The following SAMD5 variants were observed in gnomAD, a reference collection of about 807,000 sequenced individuals.
The protein encoded by SAMD5 is sterile alpha motif domain-containing protein 5.
In SAMD5, 13 loss-of-function variants were observed where a neutral mutation model predicts 11.3. The observed-to-expected ratio is 1.15, with a 90% CI of 0.75 to 1.83. The LOEUF (loss-of-function observed/expected upper bound fraction) is 1.83, where lower values mean the gene tolerates loss of function less well. Among genes scored for constraint, SAMD5 ranks in the 40% most tolerant of loss-of-function variants. The probability of loss-of-function intolerance (pLI) is 0.00; values close to 1 mark genes in which losing one functional copy is unlikely to be tolerated. For synonymous variants in SAMD5, 129 were observed against 111.3 expected, an observed-to-expected ratio of 1.16 and a Z score of -1.00; for missense variants, 255 against 239.1, an observed-to-expected ratio of 1.07 and a Z score of -0.44.
chr6:147,883,178 A>G, the SAMD5 span, among the ~76,000 whole-genome samples: 1 of 152,254 alleles, frequency 6.6e-6, no homozygotes, highest in Non-Finnish European at 1.5e-5. Flanking sequence ...TGAATGTAGT[A>G]GGCACGCTTG....
chr6:147,635,713 C>T (rs537018940), intron 1 of SAMD5, among the ~76,000 whole-genome samples: 1 of 152,322 alleles, frequency 6.6e-6, no homozygotes, highest in African/African-American at 2.4e-5. Context: ...CAACCTTTGG[C>T]ATGCCTTTCA....
the SAMD5 span, among the ~76,000 whole-genome samples, chr6:147,816,311 T>A: frequency 6.2e-3 from 689 of 111,976 alleles, 5 homozygotes; most frequent in Non-Finnish European, 7.8e-3. Context: ...AATATATATA[T>A]ATATATATAT....
chr6:147,673,278 A>T (rs1790820155), intron 1 of SAMD5, among the ~76,000 whole-genome samples: 1 of 151,106 alleles, frequency 6.6e-6, no homozygotes, highest in Non-Finnish European at 1.5e-5. Flanking sequence ...CAGTGGCGTG[A>T]TCTCTGCTCA....
At position 147,565,265 on chromosome 6, in the gene SAMD5, G is replaced by A; in HGVS notation, c.*809G>A. On this transcript the variant is annotated 3_prime_UTR_variant, in exon 2 of 2. Transcript: ENST00000367474. ...CTCACAGCCTGTTCTGAGCTGCAGT[G>A]CTTTATCCCACCTTGCTCTCCAGGC... 1.0e-6 allele frequency: 1 copy of A among 985,902 alleles called. No individual in the cohort carries two copies. The highest frequency in any genetic ancestry group is 4.7e-5 in the South Asian group (1 of 21,280). The allele number at this position is 985,902 out of a possible 1,614,324, so 61.1% of individuals were successfully genotyped here.
chr6:147,871,284 A>T, the SAMD5 span, among the ~76,000 whole-genome samples: 3 of 152,218 alleles, frequency 2.0e-5, no homozygotes, highest in Admixed American at 6.5e-5. Context: ...TTTTAGAGTT[A>T]CATATGACAA....
intron 1 of SAMD5, among the ~76,000 whole-genome samples, chr6:147,610,045 T>C (rs1185115022): frequency 6.6e-6 from 1 of 152,244 alleles, no homozygotes; most frequent in Non-Finnish European, 1.5e-5. Context: ...GTATGAAGAT[T>C]GCACATTATG....
chr6:147,615,973 G>C (rs1301912582), intron 1 of SAMD5, among the ~76,000 whole-genome samples: 1 of 151,990 alleles, frequency 6.6e-6, no homozygotes, highest in African/African-American at 2.4e-5. Flanking sequence ...ATGAGGAGTG[G>C]GTCACATGTG....
rs1789090590 is a variant in SAMD5, at chr6:147,569,062, A to C, written c.*4606A>C. 1 of 187,232 alleles carries C rather than the reference A, an allele frequency of 5.3e-6. No individual in the cohort carries two copies. The highest frequency in any genetic ancestry group is 2.4e-5 in the African/African-American group (1 of 41,980). 11.6% of individuals were successfully genotyped at this position (187,232 alleles called of 1,614,324 possible). A position where few individuals can be genotyped will look rare whatever the true frequency, so the allele number is the denominator to read the frequency against. On this transcript the variant is annotated 3_prime_UTR_variant, in exon 2 of 2. Transcript: ENST00000367474. ...GCCAACATGGTGAAACCCTGTGTCT[A>C]CTAAAAATACAAAAAAAATTAGCTG...
At chr6:147,918,227 CTT>C in the SAMD5 span, among the ~76,000 whole-genome samples, 5 of 152,270 alleles carry the variant, frequency 3.3e-5, 1 homozygote, top group South Asian at 1.0e-3. Context: ...TTTGTATCCT[CTT>C]TTATTTCATT....
At chr6:147,530,563 C>A (rs767026428) in intron 1 of SAMD5, among the ~76,000 whole-genome samples, 4 of 152,216 alleles carry the variant, frequency 2.6e-5, no homozygotes, top group Non-Finnish European at 5.9e-5. Flanking sequence ...GTACCTGCCT[C>A]CTGAGCCACA....
chr6:147,699,273 T>C (rs1008974753), intron 1 of SAMD5, among the ~76,000 whole-genome samples: 1 of 152,170 alleles, frequency 6.6e-6, no homozygotes, highest in Non-Finnish European at 1.5e-5. Flanking sequence ...CATTTGCATA[T>C]GAATGAATTG....
chr6:147,821,411 C>A, the SAMD5 span, among the ~76,000 whole-genome samples: 1 of 152,182 alleles, frequency 6.6e-6, no homozygotes, highest in South Asian at 2.1e-4. Context: ...TGCAAGACCC[C>A]TCCACGTGGT....
At chr6:147,597,047 G>T (rs888352910) in intron 1 of SAMD5, among the ~76,000 whole-genome samples, 1 of 152,156 alleles carries the variant, frequency 6.6e-6, no homozygotes, top group Non-Finnish European at 1.5e-5. Flanking sequence ...CGGACACCCA[G>T]CTGAGGAATC....
At chr6:147,750,804 C>T in the SAMD5 span, among the ~76,000 whole-genome samples, 1 of 152,208 alleles carries the variant, frequency 6.6e-6, no homozygotes, top group Non-Finnish European at 1.5e-5. Context: ...TGCATGTAGT[C>T]CCAGCTACTT....
At chr6:147,940,306 A>G in the SAMD5 span, among the ~76,000 whole-genome samples, 2 of 150,298 alleles carry the variant, frequency 1.3e-5, no homozygotes, top group Non-Finnish European at 2.9e-5. Context: ...ATGGGATTTT[A>G]TATAACATAA....
In SAMD5 at chr6:147,565,757, G is replaced by A. The variant is rs141935820; in HGVS notation, c.*1301G>A. The A allele has an allele frequency of 7.6e-4, 744 of 985,354 alleles. 7 individuals are homozygous for A. The African/African-American group carries it at 0.012, about 16-fold the overall frequency. 61.0% of individuals were successfully genotyped at this position (985,354 alleles called of 1,614,324 possible). ...TTACAGGCGTGAGCCATCACACCCGGCCTGGATGCTGGTAGTTTTATTTTC... is the reference window on the plus strand; with the variant it reads ...TTACAGGCGTGAGCCATCACACCCGACCTGGATGCTGGTAGTTTTATTTTC... On this transcript the variant is annotated 3_prime_UTR_variant, in exon 2 of 2. Transcript: ENST00000367474.
At chr6:147,733,415 G>T (rs1791745722) in intron 1 of SAMD5, among the ~76,000 whole-genome samples, 1 of 152,062 alleles carries the variant, frequency 6.6e-6, no homozygotes. Flanking sequence ...TTTTCTGCAC[G>T]GAGTACAGGT....
intron 1 of SAMD5, among the ~76,000 whole-genome samples, chr6:147,733,216 A>C (rs1026029988): frequency 2.0e-5 from 3 of 152,256 alleles, no homozygotes; most frequent in African/African-American, 7.2e-5. Context: ...AAGCATTAAT[A>C]ATTGAACAGC....
chr6:147,574,581 A>C (rs1379978757), downstream of SAMD5, among the ~76,000 whole-genome samples: 1 of 152,210 alleles, frequency 6.6e-6, no homozygotes, highest in Non-Finnish European at 1.5e-5. Flanking sequence ...CTGCTATAAC[A>C]GAATGCCTGA....
Sources: allele counts gnomAD v4.1 joint callset (sites outside exome capture counted in the v4.1 genomes callset), GRCh38; gene constraint gnomAD v4.1.1; transcripts MANE v1.5; gene names NCBI Gene and HGNC (gene_info 2026-07-23, HGNC 2026-07-21).